CPQ: variants seen among roughly 807,000 people sequenced by gnomAD.
The protein encoded by CPQ is carboxypeptidase Q.
Under a neutral mutation model 45.7 loss-of-function variants are expected in CPQ, and 37 were observed. That is an observed-to-expected ratio of 0.81 (90% CI 0.62 to 1.07). CPQ has a LOEUF of 1.07. CPQ is among the 50% of genes least tolerant of loss of function. The probability of loss-of-function intolerance (pLI) is 0.00; values close to 1 mark genes in which losing one functional copy is unlikely to be tolerated. For missense variants in CPQ, 537 were observed against 572.9 expected, an observed-to-expected ratio of 0.94 and a Z score of 0.64; for synonymous variants, 186 against 205.8, an observed-to-expected ratio of 0.90 and a Z score of 0.82.
intron 3 of CPQ, among the ~76,000 whole-genome samples, chr8:96,850,352 G>A (rs1336227153): frequency 1.3e-5 from 2 of 152,060 alleles, no homozygotes; most frequent in South Asian, 4.1e-4. Context: ...CTCCAGGGAG[G>A]CAAGGCTGAC....
rs186841690 is a variant in CPQ, at chr8:97,070,470, T to C, written c.1255+4260T>C. Among the ~76,000 whole-genome samples the C allele has an allele frequency of 3.3e-5, 5 of 152,290 alleles. No homozygotes were observed. In the East Asian group the frequency reaches 9.6e-4, roughly 29 times the overall value. On this transcript the variant is annotated intron_variant, in intron 7 of 7. Coordinates refer to ENST00000220763, the MANE Select transcript of CPQ (RefSeq NM_016134.4). The stretch of plus-strand genomic sequence containing the variant: ...TAATTTTAGGAGACATTTAAATTCT[T>C]ATAAATCTGACTTAGCAGAAACAAA...
chr8:96,956,305 G>A (rs569544222), intron 4 of CPQ, among the ~76,000 whole-genome samples: 4 of 152,102 alleles, frequency 2.6e-5, no homozygotes, highest in African/African-American at 9.7e-5. Context: ...GGGGACAAAA[G>A]ATGAGTTTTC....
At chr8:96,945,416 A>G (rs887165450) in intron 4 of CPQ, among the ~76,000 whole-genome samples, 1 of 152,180 alleles carries the variant, frequency 6.6e-6, no homozygotes, top group East Asian at 1.9e-4. Flanking sequence ...ACATACACAG[A>G]TGTGCTTCAG....
intron 4 of CPQ, among the ~76,000 whole-genome samples, chr8:96,917,783 C>G (rs377583471): frequency 8.7e-4 from 133 of 152,282 alleles, no homozygotes; most frequent in African/African-American, 3.1e-3. Context: ...ATCTCCAACT[C>G]TAATCTTTCA....
At chr8:96,853,746 G>T (rs1238518737) in intron 3 of CPQ, among the ~76,000 whole-genome samples, 1 of 152,148 alleles carries the variant, frequency 6.6e-6, no homozygotes, top group Non-Finnish European at 1.5e-5. Context: ...GCTAAAGTGT[G>T]TGTAGCCTAC....
At chr8:96,720,683 A>AT (rs895877202) in intron 1 of CPQ, among the ~76,000 whole-genome samples, 1 of 151,636 alleles carries the variant, frequency 6.6e-6, no homozygotes, top group African/African-American at 2.4e-5. Flanking sequence ...TTTTTAAGAC[A>AT]TTTTTTTCCC....
At chr8:96,880,574 T>TATATAC (rs1554575281) in intron 4 of CPQ, among the ~76,000 whole-genome samples, 1 of 114,938 alleles carries the variant, frequency 8.7e-6, no homozygotes, top group Admixed American at 9.4e-5. Context: ...TATATATATA[T>TATATAC]ATACCATGGA....
intron 1 of CPQ, among the ~76,000 whole-genome samples, chr8:96,647,586 C>T (rs550262900): frequency 6.6e-6 from 1 of 152,258 alleles, no homozygotes; most frequent in South Asian, 2.1e-4. Flanking sequence ...ACAAGACAAT[C>T]CTGCCAGGAA....
chr8:97,134,799 T>G (rs1024068602), intron 7 of CPQ, among the ~76,000 whole-genome samples: 1 of 152,184 alleles, frequency 6.6e-6, no homozygotes, highest in African/African-American at 2.4e-5. Context: ...TAAAATCTAT[T>G]TTCCATCTGT....
At chr8:96,912,406 G>A (rs756233658) in intron 4 of CPQ, among the ~76,000 whole-genome samples, 14 of 151,998 alleles carry the variant, frequency 9.2e-5, no homozygotes, top group Non-Finnish European at 7.4e-5. Flanking sequence ...ATACAACTTC[G>A]TGAGCATATT....
At chr8:96,885,939 G>A (rs941527050) in intron 4 of CPQ, among the ~76,000 whole-genome samples, 1 of 151,768 alleles carries the variant, frequency 6.6e-6, no homozygotes, top group African/African-American at 2.4e-5. Flanking sequence ...TCGCACCACT[G>A]CACTCCAGCC....
intron 1 of CPQ, among the ~76,000 whole-genome samples, chr8:96,775,711 G>A (rs1203656589): frequency 6.6e-6 from 1 of 152,186 alleles, no homozygotes; most frequent in Non-Finnish European, 1.5e-5. Flanking sequence ...TTCACATTTG[G>A]AAAGCTATTT....
At chr8:96,948,652 G>A (rs951821328) in intron 4 of CPQ, among the ~76,000 whole-genome samples, 2 of 151,944 alleles carry the variant, frequency 1.3e-5, no homozygotes, top group African/African-American at 4.8e-5. Context: ...GTATCTGTTA[G>A]GTCTGTTTGA....
chr8:96,732,788 C>A (rs1029008076), intron 1 of CPQ, among the ~76,000 whole-genome samples: 5 of 152,132 alleles, frequency 3.3e-5, no homozygotes, highest in Non-Finnish European at 7.4e-5. Flanking sequence ...ATGCTCACAT[C>A]CAGGTACTGA....
intron 4 of CPQ, among the ~76,000 whole-genome samples, chr8:96,899,869 G>T (rs1337966970): frequency 6.6e-6 from 1 of 152,118 alleles, no homozygotes; most frequent in East Asian, 1.9e-4. Flanking sequence ...AAGGTATCTG[G>T]GTAAGAGAAA....
At chr8:96,745,802 T>G (rs1040000925) in intron 1 of CPQ, among the ~76,000 whole-genome samples, 1 of 152,256 alleles carries the variant, frequency 6.6e-6, no homozygotes, top group African/African-American at 2.4e-5. Flanking sequence ...TGAACTATCA[T>G]TTGAAATGGT....
At chr8:97,088,038 A>G (rs1402640595) in intron 7 of CPQ, among the ~76,000 whole-genome samples, 2 of 152,214 alleles carry the variant, frequency 1.3e-5, no homozygotes, top group Non-Finnish European at 2.9e-5. Context: ...TTAAAAATAA[A>G]GAGAAACAAG....
intron 5 of CPQ, among the ~76,000 whole-genome samples, chr8:97,019,618 A>G (rs1340099198): frequency 6.6e-6 from 1 of 152,220 alleles, no homozygotes; most frequent in Non-Finnish European, 1.5e-5. Context: ...CTAGCAGTTA[A>G]AAAAGACAGA....
intron 2 of CPQ, among the ~76,000 whole-genome samples, chr8:96,824,271 A>G (rs1029602863): frequency 1.3e-5 from 2 of 152,066 alleles, no homozygotes; most frequent in Non-Finnish European, 2.9e-5. Flanking sequence ...GTCAAGTCTC[A>G]GCTTTCATGT....
Sources: allele counts gnomAD v4.1 joint callset (sites outside exome capture counted in the v4.1 genomes callset), GRCh38; gene constraint gnomAD v4.1.1; transcripts MANE v1.5; gene names NCBI Gene and HGNC (gene_info 2026-07-23, HGNC 2026-07-21).